MGST2: variants seen among roughly 807,000 people sequenced by gnomAD.
MGST2 encodes glutathione peroxidase MGST2.
Under a neutral mutation model 16.6 loss-of-function variants are expected in MGST2, and 9 were observed. The ratio of observed to expected loss-of-function variants is 0.54; its 90% confidence interval spans 0.33 to 0.95. The LOEUF (loss-of-function observed/expected upper bound fraction) is 0.95. Ranked by LOEUF, MGST2 falls within the 40% of genes least tolerant of loss-of-function variation. The probability of loss-of-function intolerance (pLI) is 0.03; values close to 1 mark genes in which losing one functional copy is unlikely to be tolerated. For missense variants in MGST2, 159 were observed against 175.1 expected, an observed-to-expected ratio of 0.91 and a Z score of 0.52; for synonymous variants, 79 against 68.0, an observed-to-expected ratio of 1.16 and a Z score of -0.79.
the MGST2 span, among the ~76,000 whole-genome samples, chr4:139,753,639 C>T: frequency 6.6e-6 from 1 of 152,104 alleles, no homozygotes; most frequent in African/African-American, 2.4e-5. Flanking sequence ...ATCTTTTATG[C>T]TCCTTCCCTA....
intron 5 of MGST2, among the ~76,000 whole-genome samples, chr4:139,733,031 T>A (rs189322854): frequency 2.6e-4 from 39 of 152,316 alleles, no homozygotes; most frequent in Non-Finnish European, 4.9e-4. Context: ...GCCTAGATAT[T>A]TCAGGGTCTT....
chr4:139,671,245 G>A (rs552362887), intron 1 of MGST2, among the ~76,000 whole-genome samples: 6 of 152,192 alleles, frequency 3.9e-5, no homozygotes, highest in African/African-American at 7.2e-5. Context: ...GGGTTCCCTC[G>A]GCCAAGAGTG....
intron 3 of MGST2, among the ~76,000 whole-genome samples, chr4:139,702,332 C>G (rs1727293303): frequency 6.6e-6 from 1 of 152,022 alleles, no homozygotes; most frequent in South Asian, 2.1e-4. Flanking sequence ...CCTGCTTCTC[C>G]CAGTCAGTCC....
In MGST2 at chr4:139,678,610, G is replaced by A; in HGVS notation, c.126G>A (p.Gly42=). Residue 42 remains glycine (G), a synonymous_variant, in exon 2 of 5, where the codon GGG becomes GGA. Transcript: ENST00000265498. ...AAGTTACGCCCCCAGCAGTCACTGG[G>A]TCACCAGAGTTTGAGAGAGTATTTC... The part of the protein sequence containing the change: ...KYKVTPPAVT[G]SPEFERVFRA... 1 of 1,614,102 alleles carries A rather than the reference G, an allele frequency of 6.2e-7. No individual in the cohort carries two copies. The highest frequency in any genetic ancestry group is 8.5e-7 in the Non-Finnish European group (1 of 1,179,964).
At chr4:139,739,817 T>C (rs1261837806) in intron 5 of MGST2, among the ~76,000 whole-genome samples, 1 of 151,630 alleles carries the variant, frequency 6.6e-6, no homozygotes, top group Non-Finnish European at 1.5e-5. Flanking sequence ...TTATACTTTT[T>C]CAAATTTTAT....
chr4:139,725,440 A>C (rs4863680), intron 5 of MGST2, among the ~76,000 whole-genome samples: 41,093 of 152,024 alleles, frequency 0.27, 5,858 homozygotes, highest in African/African-American at 0.34. Flanking sequence ...CTGGTTGTTA[A>C]ACTATTACAA....
intron 2 of MGST2, among the ~76,000 whole-genome samples, chr4:139,692,090 G>T (rs1726642421): frequency 6.6e-6 from 1 of 152,150 alleles, no homozygotes; most frequent in East Asian, 1.9e-4. Flanking sequence ...GCAAAAGAGG[G>T]ACCAGGGTGA....
intron 1 of MGST2, among the ~76,000 whole-genome samples, chr4:139,672,959 C>A (rs1730775990): frequency 6.6e-6 from 1 of 151,948 alleles, no homozygotes; most frequent in African/African-American, 2.4e-5. Context: ...CTTTGAGAGC[C>A]CTTGCTACAC....
intron 2 of MGST2, 187 bp downstream of exon 2, chr4:139,678,829 T>C: frequency 1.6e-6 from 1 of 631,172 alleles, no homozygotes; most frequent in Non-Finnish European, 2.8e-6. Flanking sequence ...GCATGAAGTC[T>C]CTGCCCACAT....
At chr4:139,752,202 G>A in the MGST2 span, among the ~76,000 whole-genome samples, 4 of 152,128 alleles carry the variant, frequency 2.6e-5, no homozygotes, top group East Asian at 1.9e-4. Context: ...TAAGGCTCAC[G>A]TTACGTACTA....
intron 2 of MGST2, among the ~76,000 whole-genome samples, chr4:139,683,281 C>T (rs942099204): frequency 4.6e-5 from 7 of 152,134 alleles, no homozygotes; most frequent in Non-Finnish European, 1.0e-4. Context: ...AGGGTAGACT[C>T]ATAGAATTTT....
chr4:139,734,833 ACAAAAGACGGC>A (rs1430978553), intron 5 of MGST2, among the ~76,000 whole-genome samples: 1 of 152,272 alleles, frequency 6.6e-6, no homozygotes, highest in Non-Finnish European at 1.5e-5. Context: ...GCAGGGAATC[ACAAAAGACGGC>A]CGGCGGCGAG....
chr4:139,734,429 G>C (rs922770892), intron 5 of MGST2, among the ~76,000 whole-genome samples: 37 of 152,268 alleles, frequency 2.4e-4, no homozygotes, highest in African/African-American at 8.7e-4. Flanking sequence ...CTTCTCCCAA[G>C]AATCTTAATA....
chr4:139,716,567 T>TATCATC (rs10676794), intron 5 of MGST2, among the ~76,000 whole-genome samples: 1 of 151,538 alleles, frequency 6.6e-6, no homozygotes, highest in African/African-American at 2.4e-5. Context: ...ATTCAGAAAG[T>TATCATC]ATCATCAGTT....
chr4:139,675,625 C>T (rs896969270), intron 1 of MGST2, among the ~76,000 whole-genome samples: 2 of 152,132 alleles, frequency 1.3e-5, no homozygotes, highest in Non-Finnish European at 2.9e-5. Context: ...AAGAATTTAC[C>T]GACAACAATA....
At position 139,665,905 on chromosome 4, in the gene MGST2, C is replaced by A; in HGVS notation, c.-115C>A. On this transcript the variant is annotated 5_prime_UTR_variant, in exon 1 of 5. Coordinates refer to ENST00000265498, the MANE Select transcript of MGST2 (RefSeq NM_002413.5). ...AAGGTCATTCAGCCGCTTGAATCAG[C>A]CTTTTCCCCCCACCCGGTCCCCAAC... is the stretch of plus-strand genomic sequence containing the variant. The A allele has an allele frequency of 9.8e-7, 1 of 1,024,126 alleles. No individual in the cohort carries two copies. Among genetic ancestry groups the A allele is most frequent in the Non-Finnish European group, 1.5e-6 (1 of 660,400 alleles). The allele number at this position is 1,024,126 out of a possible 1,614,324, so 63.4% of individuals were successfully genotyped here.
At chr4:139,668,742 G>A (rs1730510034) in intron 1 of MGST2, among the ~76,000 whole-genome samples, 1 of 152,102 alleles carries the variant, frequency 6.6e-6, no homozygotes, top group South Asian at 2.1e-4. Flanking sequence ...TTACAGGCTG[G>A]GGTATGTACA....
At chr4:139,725,953 A>C (rs1728457119) in intron 5 of MGST2, 1 of 792,426 alleles carries the variant, frequency 1.3e-6, no homozygotes, top group East Asian at 2.7e-5. Context: ...TTTGTGTTGA[A>C]GAATCATATG....
At chr4:139,719,012 G>A in intron 5 of MGST2, 1 of 302,362 alleles carries the variant, frequency 3.3e-6, no homozygotes, top group Non-Finnish European at 6.1e-6. Context: ...GCTGGGCCAG[G>A]CGATCACAGG....
Sources: gnomAD v4.1 joint callset for allele counts (sites outside exome capture counted in the v4.1 genomes callset) on GRCh38, gnomAD v4.1.1 for gene constraint, MANE v1.5 for transcripts, NCBI Gene and HGNC (gene_info 2026-07-23, HGNC 2026-07-21) for gene names.